Variants in ERCC1 observed in about 807,000 individuals in gnomAD.
ERCC1 encodes the protein DNA excision repair protein ERCC-1.
A neutral mutation model predicts 37.6 loss-of-function variants in ERCC1; 36 were observed. That is an observed-to-expected ratio of 0.96 (90% CI 0.73 to 1.26). The LOEUF is 1.26. ERCC1 is among the 50% of genes most tolerant of loss of function. ERCC1 has a pLI of 0.00. For missense variants in ERCC1, 349 were observed against 376.5 expected, an observed-to-expected ratio of 0.93 and a Z score of 0.60; for synonymous variants, 156 against 162.1, an observed-to-expected ratio of 0.96 and a Z score of 0.28.
chr19:45,450,323 C>A (rs973850047), intron 1 of ERCC1, among the ~76,000 whole-genome samples: 1 of 152,234 alleles, frequency 6.6e-6, no homozygotes, highest in Non-Finnish European at 1.5e-5. Flanking sequence ...CGCCTTATAT[C>A]TTTTCTCTTC....
chr19:45,446,949 G>T (rs1008642217), intron 1 of ERCC1, among the ~76,000 whole-genome samples: 2 of 152,104 alleles, frequency 1.3e-5, no homozygotes, highest in Non-Finnish European at 2.9e-5. Flanking sequence ...AGTGAGCCAA[G>T]AACGCGCCAT....
At position 45,409,505 on chromosome 19, in the gene ERCC1, G is replaced by C; in HGVS notation, c.*170C>G. 1 of 1,601,038 alleles carries C rather than the reference G, an allele frequency of 6.2e-7. No homozygotes were observed. The highest frequency in any genetic ancestry group is 8.5e-7 in the Non-Finnish European group (1 of 1,174,610). On this transcript the variant is annotated 3_prime_UTR_variant, in exon 10 of 10. Coordinates refer to ENST00000300853, the MANE Select transcript of ERCC1 (RefSeq NM_001983.4). ...GCAGCAGCAGCAGCCTGTGTAGTCT[G>C]CCCCCGGGAAACTGAGGAACTAAAG... is the stretch of plus-strand genomic sequence containing the variant.
At chr19:45,414,631 G>C in intron 7 of ERCC1, 1 of 515,254 alleles carries the variant, frequency 1.9e-6, no homozygotes, top group Non-Finnish European at 3.5e-6. Context: ...CTGGTGAGAA[G>C]TCTGGGCTTT....
chr19:45,416,760 T>G (rs1974093439), intron 6 of ERCC1, 61 bp downstream of exon 6: 1 of 1,290,698 alleles, frequency 7.7e-7, no homozygotes, highest in Non-Finnish European at 1.1e-6. Flanking sequence ...CAGGGTGGGA[T>G]GGGGGAGCAG....
intron 9 of ERCC1, among the ~76,000 whole-genome samples, chr19:45,411,166 G>A (rs1443058010): frequency 6.6e-6 from 1 of 151,868 alleles, no homozygotes; most frequent in Non-Finnish European, 1.5e-5. Context: ...TCCATTGTGT[G>A]TAAGTACCAC....
Position 45,423,795 on chromosome 19 carries a change from T to C in ERCC1, c.-22A>G. 8.9e-7 allele frequency: 1 copy of C among 1,124,006 alleles called. No individual in the cohort carries two copies. The highest frequency in any genetic ancestry group is 1.1e-6 in the Non-Finnish European group (1 of 911,838). 69.6% of individuals were successfully genotyped at this position (1,124,006 alleles called of 1,614,324 possible). On this transcript the variant is annotated 5_prime_UTR_variant, in exon 1 of 10. Transcript: ENST00000300853. Reference sequence around the variant, plus strand: ...GCCTCCCGCACCTGTGGTCCGGGCCTCACGGTTTCAGCGCCGCGAGGCCTC... The same window carrying C: ...GCCTCCCGCACCTGTGGTCCGGGCCCCACGGTTTCAGCGCCGCGAGGCCTC...
chr19:45,444,297 C>G (rs1041955052), intron 1 of ERCC1, among the ~76,000 whole-genome samples: 1 of 148,430 alleles, frequency 6.7e-6, no homozygotes, highest in Non-Finnish European at 1.5e-5. Flanking sequence ...CTTCGCCCCC[C>G]ACCCCGGAGC....
chr19:45,432,039 T>C (rs947576293), intron 1 of ERCC1, among the ~76,000 whole-genome samples: 1 of 152,156 alleles, frequency 6.6e-6, no homozygotes, highest in Non-Finnish European at 1.5e-5. Context: ...TGGCGCAATC[T>C]TGGCTCGCTG....
chr19:45,409,685 T>C lies in ERCC1; in HGVS notation c.884A>G (p.Lys295Arg). Residue 295 changes from lysine to arginine, a missense_variant, in exon 10 of 10, where the codon AAA becomes AGA. By Grantham distance (26) the Lys-to-Arg change is conservative (BLOSUM62 2). Coordinates refer to ENST00000300853, the MANE Select transcript of ERCC1 (RefSeq NM_001983.4). The part of the protein sequence containing the change: ...LFDVLHEPFL[K>R]VP ...TGGCAGCTGGGGTCATCAGGGTACT[T>C]TCAAGAAGGGCTCGTGCAGGACATC... The C allele has an allele frequency of 9.2e-7, 1 of 1,083,718 alleles. No individual in the cohort carries two copies. The highest frequency in any genetic ancestry group is 1.4e-6 in the Non-Finnish European group (1 of 695,966). 67.1% of individuals were successfully genotyped at this position (1,083,718 alleles called of 1,614,324 possible).
intron 5 of ERCC1, among the ~76,000 whole-genome samples, chr19:45,418,352 ACAATCAAT>A (rs529792933): frequency 2.0e-5 from 3 of 152,086 alleles, no homozygotes; most frequent in South Asian, 2.1e-4. Flanking sequence ...CTGTCTCAAA[ACAATCAAT>A]CAATCAATCA....
chr19:45,416,939 T>C (rs781681145), intron 5 of ERCC1, 42 bp from the exon 6 acceptor site: 6 of 1,487,164 alleles, frequency 4.0e-6, no homozygotes, highest in Non-Finnish European at 5.6e-6. Context: ...AAGCCAGGAA[T>C]TACAAAAATT....
intron 1 of ERCC1, among the ~76,000 whole-genome samples, chr19:45,429,975 G>T (rs1244884746): frequency 6.6e-6 from 1 of 152,126 alleles, no homozygotes; most frequent in Admixed American, 6.6e-5. Context: ...GTAGAGATGG[G>T]GTTTCACCAT....
Position 45,420,893 on chromosome 19 carries a change from G to C in ERCC1, c.321+285C>G, listed in dbSNP as rs1273808874. Among the ~76,000 whole-genome samples, 1 of 152,078 alleles carries C rather than the reference G, an allele frequency of 6.6e-6. No homozygotes were observed. Among genetic ancestry groups the C allele is most frequent in the African/African-American group, 2.4e-5 (1 of 41,416 alleles). ...CTGCCTCAGCCTCTCCAAAGTGCTGGGATTACAGGTGTGAGCCACCACACC... is the reference window on the plus strand; with the variant it reads ...CTGCCTCAGCCTCTCCAAAGTGCTGCGATTACAGGTGTGAGCCACCACACC... On this transcript the variant is annotated intron_variant, in intron 3 of 9. Transcript: ENST00000300853. This position sits in a 1 kb window ranked among gnomAD's most constrained non-coding sequence, Gnocchi z 4.8.
At position 45,413,741 on chromosome 19, in the gene ERCC1, A is replaced by G. The variant is rs1973877979; in HGVS notation, c.779T>C (p.Leu260Pro). 1.9e-6 allele frequency: 3 copies of G among 1,613,478 alleles called. No homozygotes were observed. Among genetic ancestry groups the G allele is most frequent in the Non-Finnish European group, 2.5e-6 (3 of 1,180,052 alleles). The change falls in exon 9 of 10, where the codon CTG becomes CCG. Residue 260 changes from leucine (L) to proline (P), a missense_variant. Coordinates refer to ENST00000300853, the MANE Select transcript of ERCC1 (RefSeq NM_001983.4). Reference protein sequence around the residue: ...SQTLLTTFGSLEQLIAASRED... With the variant: ...SQTLLTTFGSPEQLIAASRED... ...TCTTGATGCGGCGATGAGCTGTTCC[A>G]GAGACTGAAAGGTGAAAGCGAGGGG...
Position 45,413,721 on chromosome 19 carries a change from A to G in ERCC1, c.799T>C (p.Ser267Pro), listed in dbSNP as rs146256515. 1.5e-4 allele frequency: 234 copies of G among 1,613,652 alleles called. 2 individuals carry two copies. Among genetic ancestry groups the G allele is most frequent in the Middle Eastern group, 1.0e-3 (6 of 5,808 alleles). Residue 267 changes from serine to proline, a missense_variant, in exon 9 of 10, where the codon TCA becomes CCA. Transcript: ENST00000300853. ...GGGCATAAGGCCAGATCTTCTCTTG[A>G]TGCGGCGATGAGCTGTTCCAGAGAC... is the stretch of plus-strand genomic sequence containing the variant. ...FGSLEQLIAA[S>P]REDLALCPGL...
intron 6 of ERCC1, chr19:45,416,577 A>G (rs1317315203): frequency 1.6e-5 from 8 of 507,402 alleles, no homozygotes; most frequent in Middle Eastern, 5.4e-4. Flanking sequence ...TGAACCCCCA[A>G]GGCAGAGCCG....
chr19:45,413,806 G>C, intron 8 of ERCC1, 61 bp from the exon 9 acceptor site: 2 of 1,608,858 alleles, frequency 1.2e-6, no homozygotes, highest in Non-Finnish European at 1.7e-6. Context: ...TGTCCCAGCT[G>C]AGGAGGGGCC....
chr19:45,436,399 G>C (rs557670943), intron 1 of ERCC1, among the ~76,000 whole-genome samples: 4 of 152,180 alleles, frequency 2.6e-5, no homozygotes, highest in Non-Finnish European at 5.9e-5. Context: ...GGCCGAGGCG[G>C]GCGGATCACG....
chr19:45,441,921 A>T (rs1975130295), intron 1 of ERCC1, among the ~76,000 whole-genome samples: 1 of 151,722 alleles, frequency 6.6e-6, no homozygotes, highest in African/African-American at 2.4e-5. Context: ...TGACCTCATG[A>T]TCCGCCTGCC....
Sources: gnomAD v4.1 joint callset for allele counts (sites outside exome capture counted in the v4.1 genomes callset) on GRCh38, gnomAD v4.1.1 for gene constraint, Gnocchi (gnomAD v3.1) non-coding constraint, MANE v1.5 for transcripts, NCBI Gene and HGNC (gene_info 2026-07-23, HGNC 2026-07-21) for gene names.